The following MYO1E variants were observed in gnomAD, a reference collection of about 807,000 sequenced individuals.
The protein encoded by MYO1E is unconventional myosin-Ie.
Under a neutral mutation model 151.1 loss-of-function variants are expected in MYO1E, and 68 were observed. The observed-to-expected ratio is 0.45, with a 90% CI of 0.37 to 0.55. MYO1E has a LOEUF of 0.55. MYO1E is among the 20% of genes least tolerant of loss of function. The pLI, the probability that MYO1E is intolerant of heterozygous loss-of-function variation, is 0.00. For missense variants in MYO1E, 1,363 were observed against 1,389.3 expected (o/e 0.98, Z 0.30); for synonymous variants, 601 against 501.7 (o/e 1.20, Z -2.64).
In MYO1E at chr15:59,319,666, G is replaced by T. The variant is rs1364533543; in HGVS notation, c.4-47217C>A. On this transcript the variant is annotated intron_variant, in intron 1 of 27. Coordinates refer to ENST00000288235, the MANE Select transcript of MYO1E (RefSeq NM_004998.4). ...TGCCTGTGATCCCAGCACTTTGAGA[G>T]GCCGAGGCATGCGGATCACCTGAGG... Among the ~76,000 whole-genome samples, 3 of 147,844 alleles carry T rather than the reference G, an allele frequency of 2.0e-5. No individual in the cohort carries two copies. The Admixed American group carries it at 2.1e-4, about 10-fold the overall frequency.
At chr15:59,263,611 A>T (rs1447847205) in intron 2 of MYO1E, among the ~76,000 whole-genome samples, 1 of 152,226 alleles carries the variant, frequency 6.6e-6, no homozygotes, top group African/African-American at 2.4e-5. Context: ...ATGCAGAATG[A>T]CATGATTATG....
chr15:59,150,262 C>T (rs113056005), intron 26 of MYO1E, among the ~76,000 whole-genome samples: 1 of 152,154 alleles, frequency 6.6e-6, no homozygotes, highest in Non-Finnish European at 1.5e-5. Context: ...GGCCTCATGG[C>T]CTGCCTCCAA....
At chr15:59,173,942 G>A (rs765277879) in intron 20 of MYO1E, 27 bp from the exon 21 acceptor site, 2 of 1,611,866 alleles carry the variant, frequency 1.2e-6, no homozygotes, top group African/African-American at 1.3e-5. Context: ...GGTCAAGATG[G>A]AAGAAGGATA....
chr15:59,243,922 G>T (rs1449447629), intron 4 of MYO1E, among the ~76,000 whole-genome samples: 2 of 151,686 alleles, frequency 1.3e-5, no homozygotes, highest in Non-Finnish European at 2.9e-5. Flanking sequence ...ACTAGATCTG[G>T]AACAGAAACA....
intron 4 of MYO1E, among the ~76,000 whole-genome samples, chr15:59,251,495 G>A (rs1596385372): frequency 6.6e-6 from 1 of 152,322 alleles, no homozygotes; most frequent in South Asian, 2.1e-4. Flanking sequence ...AGAAAAGGAC[G>A]TTTGCGACTA....
At chr15:59,161,509 T>A (rs2079538377) in intron 23 of MYO1E, among the ~76,000 whole-genome samples, 1 of 152,102 alleles carries the variant, frequency 6.6e-6, no homozygotes, top group South Asian at 2.1e-4. Context: ...TGCCACTCTG[T>A]CAGGTGGTCT....
chr15:59,347,870 A>G (rs564027334), intron 1 of MYO1E, among the ~76,000 whole-genome samples: 1 of 152,340 alleles, frequency 6.6e-6, no homozygotes, highest in African/African-American at 2.4e-5. Context: ...TCTAGAGAAA[A>G]TATGTATGTA....
chr15:59,288,003 C>A (rs2080397241), intron 1 of MYO1E, among the ~76,000 whole-genome samples: 1 of 152,186 alleles, frequency 6.6e-6, no homozygotes, highest in Admixed American at 6.5e-5. Context: ...GCTCAGCGAG[C>A]CTGCCATGTT....
chr15:59,275,170 C>T (rs1056485215), intron 1 of MYO1E, among the ~76,000 whole-genome samples: 1 of 152,128 alleles, frequency 6.6e-6, no homozygotes, highest in Non-Finnish European at 1.5e-5. Context: ...CAGTCTCATA[C>T]ATGAATGACT....
intron 6 of MYO1E, 107 bp from the exon 7 acceptor site, chr15:59,227,697 C>A: frequency 7.0e-7 from 1 of 1,431,186 alleles, no homozygotes; most frequent in Non-Finnish European, 9.8e-7. Context: ...TAATAAAATA[C>A]ACATTCTGAA....
chr15:59,194,861 C>A (rs544506220), intron 17 of MYO1E, among the ~76,000 whole-genome samples: 1 of 152,224 alleles, frequency 6.6e-6, no homozygotes, highest in African/African-American at 2.4e-5. Flanking sequence ...AACAGTGATG[C>A]AGGCTTCACT....
intron 1 of MYO1E, among the ~76,000 whole-genome samples, chr15:59,281,400 C>T (rs562873266): frequency 9.9e-5 from 15 of 152,010 alleles, no homozygotes; most frequent in African/African-American, 2.4e-4. Flanking sequence ...CTCAGTCTCC[C>T]GAATAGCTGG....
intron 15 of MYO1E, among the ~76,000 whole-genome samples, chr15:59,203,193 G>T (rs1158989744): frequency 6.6e-5 from 10 of 152,156 alleles, no homozygotes; most frequent in Non-Finnish European, 1.3e-4. Context: ...ATTCTTTGTT[G>T]GGGGCCGAGG....
intron 26 of MYO1E, among the ~76,000 whole-genome samples, chr15:59,138,869 T>A (rs1239810653): frequency 6.6e-6 from 1 of 152,118 alleles, no homozygotes; most frequent in Non-Finnish European, 1.5e-5. Context: ...TAGCCAATAT[T>A]TGTGGTCCGA....
At chr15:59,302,514 A>AT (rs2140404569) in intron 1 of MYO1E, among the ~76,000 whole-genome samples, 1 of 152,296 alleles carries the variant, frequency 6.6e-6, no homozygotes, top group South Asian at 2.1e-4. Flanking sequence ...AATCTAACTC[A>AT]TGAGGCCAGG....
At chr15:59,193,422 G>A (rs1183200606) in intron 17 of MYO1E, among the ~76,000 whole-genome samples, 1 of 152,310 alleles carries the variant, frequency 6.6e-6, no homozygotes, top group East Asian at 1.9e-4. Flanking sequence ...ATCTTTAGAG[G>A]AGAAGAGATG....
intron 3 of MYO1E, among the ~76,000 whole-genome samples, chr15:59,257,816 C>T (rs1236463450): frequency 1.3e-5 from 2 of 152,102 alleles, no homozygotes; most frequent in Non-Finnish European, 2.9e-5. Flanking sequence ...TCTGCCTTAA[C>T]CTTATGGTTA....
intron 1 of MYO1E, among the ~76,000 whole-genome samples, chr15:59,346,553 T>G (rs1348127761): frequency 6.6e-6 from 1 of 152,158 alleles, no homozygotes; most frequent in Non-Finnish European, 1.5e-5. Context: ...ATTATTAATA[T>G]TTTCAAAAGA....
At chr15:59,218,185 G>C in intron 9 of MYO1E, 98 bp from the exon 10 acceptor site, 2 of 1,417,962 alleles carry the variant, frequency 1.4e-6, no homozygotes, top group Non-Finnish European at 2.0e-6. Flanking sequence ...ACATGCACGT[G>C]TGTGTGCATA....
Sources: allele counts gnomAD v4.1 joint callset (sites outside exome capture counted in the v4.1 genomes callset), GRCh38; gene constraint gnomAD v4.1.1; transcripts MANE v1.5; gene names NCBI Gene and HGNC (gene_info 2026-07-23, HGNC 2026-07-21).